The following FAM193A variants were observed in gnomAD, a reference collection of about 807,000 sequenced individuals.
FAM193A encodes the protein family with sequence similarity 193 member A, also known as protein FAM193A.
Under a neutral mutation model 126.5 loss-of-function variants are expected in FAM193A, and 22 were observed. That is an observed-to-expected ratio of 0.17 (90% confidence interval 0.12 to 0.25). The LOEUF (loss-of-function observed/expected upper bound fraction) is 0.25. FAM193A is among the 10% of genes least tolerant of loss of function. The probability of loss-of-function intolerance (pLI) is 1.00; values close to 1 mark genes in which losing one functional copy is unlikely to be tolerated. For synonymous variants in FAM193A, 761 were observed against 646.8 expected (o/e 1.18, Z -2.68); for missense variants, 1,675 against 1,672.8 (o/e 1.00, Z -0.02).
At chr4:2,699,345 C>G (rs1717400032) in intron 18 of FAM193A, among the ~76,000 whole-genome samples, 1 of 151,860 alleles carries the variant, frequency 6.6e-6, no homozygotes, top group African/African-American at 2.4e-5. Context: ...GGGTAGCTGA[C>G]TCCCTGGATG....
chr4:2,730,116 C>T lies in FAM193A; in HGVS notation c.4455-1659C>T, dbSNP rs543526390. 2.0e-5 allele frequency among the ~76,000 whole-genome samples: 3 copies of T among 152,172 alleles called. No homozygotes were observed. In the East Asian group the frequency reaches 5.8e-4, roughly 29 times the overall value. ...AAAGATGGAGTCTCACTGTGTTGCACGGGCTGGTCTCAAACGCCTGGGTTC... is the reference window on the plus strand; with the variant it reads ...AAAGATGGAGTCTCACTGTGTTGCATGGGCTGGTCTCAAACGCCTGGGTTC... On this transcript the variant is annotated intron_variant, in intron 20 of 20. Transcript: ENST00000637812.
intron 19 of FAM193A, among the ~76,000 whole-genome samples, chr4:2,706,725 C>T (rs1047566103): frequency 2.0e-5 from 3 of 151,102 alleles, no homozygotes; most frequent in Non-Finnish European, 4.4e-5. Flanking sequence ...TGTAATATCT[C>T]GTAGGGCTGT....
intron 13 of FAM193A, among the ~76,000 whole-genome samples, chr4:2,686,791 A>G (rs1182510527): frequency 6.6e-6 from 1 of 152,188 alleles, no homozygotes; most frequent in Non-Finnish European, 1.5e-5. Flanking sequence ...GCTCAAAGCT[A>G]GCAGTTTGGC....
At position 2,689,864 on chromosome 4, in the gene FAM193A, C is replaced by T. The variant is rs527845969; in HGVS notation, c.2530+160C>T. On this transcript the variant is annotated intron_variant, in intron 14 of 20. Coordinates refer to ENST00000637812, the MANE Select transcript of FAM193A (RefSeq NM_001366318.2). Reference sequence around the variant, plus strand: ...GGCCCCTCGGGGCTGTCATCCTACTCCATCCTCTCGCATCTGCCACCAGTC... The same window carrying T: ...GGCCCCTCGGGGCTGTCATCCTACTTCATCCTCTCGCATCTGCCACCAGTC... 2.0e-5 allele frequency among the ~76,000 whole-genome samples: 3 copies of T among 152,366 alleles called. No individual in the cohort carries two copies. In the East Asian group the frequency reaches 5.8e-4, roughly 29 times the overall value.
At chr4:2,558,463 C>T (rs894607653) in intron 1 of FAM193A, among the ~76,000 whole-genome samples, 1 of 152,144 alleles carries the variant, frequency 6.6e-6, no homozygotes, top group Non-Finnish European at 1.5e-5. Flanking sequence ...CTCACTGCAG[C>T]CTCCAACTCC....
chr4:2,680,203 T>TA (rs1714944493), intron 13 of FAM193A, among the ~76,000 whole-genome samples: 1 of 152,252 alleles, frequency 6.6e-6, no homozygotes, highest in Non-Finnish European at 1.5e-5. Context: ...CCTTACTAGT[T>TA]ACAGGTCTGT....
intron 15 of FAM193A, 28 bp from the exon 16 acceptor site, chr4:2,693,558 G>C: frequency 6.3e-7 from 1 of 1,586,606 alleles, no homozygotes; most frequent in Non-Finnish European, 8.6e-7. Flanking sequence ...AACAAACTTG[G>C]CAGTGACTCT....
chr4:2,639,965 G>T, intron 6 of FAM193A, 106 bp downstream of exon 6: 2 of 1,126,252 alleles, frequency 1.8e-6, no homozygotes, highest in Non-Finnish European at 1.2e-6. Context: ...AGTTCTTGCA[G>T]GAAAAATAAC....
In FAM193A at chr4:2,663,095, G is replaced by T. The variant is rs1712669201; in HGVS notation, c.1900-14G>T. 2 of 1,605,642 alleles carry T rather than the reference G, an allele frequency of 1.2e-6. No homozygotes were observed. The highest frequency in any genetic ancestry group is 4.5e-5 in the East Asian group (2 of 44,754). On this transcript the variant is annotated splice_polypyrimidine_tract_variant and intron_variant, in intron 11 of 20. Coordinates refer to ENST00000637812, the MANE Select transcript of FAM193A (RefSeq NM_001366318.2). ...GTTTTGAAAAGTGCAAATTACAAAA[G>T]ATTGTCTTTAAAGTCTCCTCAGATA...
chr4:2,607,884 T>C (rs1057010161), intron 2 of FAM193A: 35 of 782,822 alleles, frequency 4.5e-5, no homozygotes, highest in Non-Finnish European at 6.5e-5. Context: ...GTTGCAGATA[T>C]TGCCTGTTTC....
intron 13 of FAM193A, among the ~76,000 whole-genome samples, chr4:2,682,526 A>G (rs1199032629): frequency 6.6e-6 from 1 of 152,104 alleles, no homozygotes. Context: ...TCACATTTAA[A>G]GTGATTTTTT....
chr4:2,675,869 G>A (rs1714345864), intron 13 of FAM193A, among the ~76,000 whole-genome samples: 1 of 152,166 alleles, frequency 6.6e-6, no homozygotes, highest in Admixed American at 6.5e-5. Context: ...AGTACCTCAT[G>A]TACATGGAAT....
At chr4:2,596,982 A>G (rs890851032) in intron 2 of FAM193A, among the ~76,000 whole-genome samples, 1 of 152,088 alleles carries the variant, frequency 6.6e-6, no homozygotes, top group African/African-American at 2.4e-5. Context: ...ATACCTTGCT[A>G]TGTGCAGCCA....
Position 2,704,883 on chromosome 4 carries a change from T to C in FAM193A, c.4372+4339T>C, listed in dbSNP as rs533113049. Among the ~76,000 whole-genome samples the C allele has an allele frequency of 3.7e-4, 56 of 152,242 alleles. 2 individuals are homozygous for C. In the South Asian group the frequency reaches 9.5e-3, roughly 26 times the overall value. ...TACCTATTTCTCATTTCTTACTAGG[T>C]TTTTGGTCTTTTCCCTTTTGTATTT... is the stretch of plus-strand genomic sequence containing the variant. On this transcript the variant is annotated intron_variant, in intron 19 of 20. Transcript: ENST00000637812.
At chr4:2,681,433 G>A (rs557141031) in intron 13 of FAM193A, among the ~76,000 whole-genome samples, 23 of 152,052 alleles carry the variant, frequency 1.5e-4, no homozygotes, top group East Asian at 7.7e-4. Flanking sequence ...TGAAGTTAGG[G>A]AGGGTTTTTT....
chr4:2,597,195 G>T (rs1005668877), intron 2 of FAM193A, among the ~76,000 whole-genome samples: 1 of 152,030 alleles, frequency 6.6e-6, no homozygotes, highest in African/African-American at 2.4e-5. Context: ...GGCCCCTCCC[G>T]CATGTCCCGC....
chr4:2,579,391 A>G (rs1739791993), intron 1 of FAM193A, among the ~76,000 whole-genome samples: 1 of 152,034 alleles, frequency 6.6e-6, no homozygotes, highest in Admixed American at 6.6e-5. Flanking sequence ...CCTAGCAGTT[A>G]CAAAGTGCAA....
intron 17 of FAM193A, among the ~76,000 whole-genome samples, chr4:2,695,868 C>A (rs1189785160): frequency 6.6e-6 from 1 of 152,012 alleles, no homozygotes; most frequent in Non-Finnish European, 1.5e-5. Flanking sequence ...GAATTGAAGA[C>A]CAGCTTGGGC....
chr4:2,713,587 G>C (rs1473211466), intron 19 of FAM193A, among the ~76,000 whole-genome samples: 1 of 152,178 alleles, frequency 6.6e-6, no homozygotes, highest in Non-Finnish European at 1.5e-5. Flanking sequence ...AGCAGGCAGT[G>C]AGTGAATTCC....
Sources: allele counts gnomAD v4.1 joint callset (sites outside exome capture counted in the v4.1 genomes callset), GRCh38; gene constraint gnomAD v4.1.1; transcripts MANE v1.5; gene names NCBI Gene and HGNC (gene_info 2026-07-23, HGNC 2026-07-21).